CSMD3: variants seen among roughly 807,000 people sequenced by gnomAD.
CSMD3 encodes the protein CUB and Sushi multiple domains 3.
Under a neutral mutation model 435.2 loss-of-function variants are expected in CSMD3, and 177 were observed. The ratio of observed to expected loss-of-function variants is 0.41; its 90% CI spans 0.36 to 0.46. The LOEUF (loss-of-function observed/expected upper bound fraction) is 0.46, where lower values mean the gene tolerates loss of function less well. CSMD3 is among the 20% of genes least tolerant of loss of function. The pLI is 0.34. For synonymous variants in CSMD3, 1,656 were observed against 1,520.5 expected, an observed-to-expected ratio of 1.09 and a Z score of -2.07; for missense variants, 4,265 against 4,504.6, an observed-to-expected ratio of 0.95 and a Z score of 1.52.
At chr8:112,409,551 A>C (rs1218753365) in intron 32 of CSMD3, among the ~76,000 whole-genome samples, 1 of 152,002 alleles carries the variant, frequency 6.6e-6, no homozygotes, top group Non-Finnish European at 1.5e-5. Flanking sequence ...TATAGTGTTT[A>C]ATTTATATTC....
chr8:112,635,700 C>T (rs1389172973), intron 22 of CSMD3, among the ~76,000 whole-genome samples: 1 of 152,036 alleles, frequency 6.6e-6, no homozygotes, highest in African/African-American at 2.4e-5. Flanking sequence ...AGACTTCAGA[C>T]CCACACTAAC....
intron 27 of CSMD3, among the ~76,000 whole-genome samples, chr8:112,526,647 AT>A (rs1229753454): frequency 6.6e-6 from 1 of 151,990 alleles, no homozygotes; most frequent in Non-Finnish European, 1.5e-5. Context: ...CAAAATTTAC[AT>A]TTGTATTTTA....
intron 9 of CSMD3, among the ~76,000 whole-genome samples, chr8:112,929,911 T>G (rs72682135): frequency 0.054 from 8,180 of 152,192 alleles, 238 homozygotes; most frequent in Non-Finnish European, 0.062. Flanking sequence ...TTGAATATAA[T>G]AAAGCTTTCA....
chr8:112,363,836 A>G (rs1168747395), intron 38 of CSMD3, among the ~76,000 whole-genome samples: 1 of 152,052 alleles, frequency 6.6e-6, no homozygotes, highest in Non-Finnish European at 1.5e-5. Context: ...TTCTGAGTTA[A>G]TGGCAATTGA....
At chr8:113,031,781 G>A (rs768629832) in intron 5 of CSMD3, among the ~76,000 whole-genome samples, 1 of 151,450 alleles carries the variant, frequency 6.6e-6, no homozygotes, top group Non-Finnish European at 1.5e-5. Context: ...AATATATGGG[G>A]TTCATATGGT....
At chr8:113,234,783 T>C (rs1438975693) in intron 3 of CSMD3, among the ~76,000 whole-genome samples, 1 of 152,074 alleles carries the variant, frequency 6.6e-6, no homozygotes, top group Non-Finnish European at 1.5e-5. Flanking sequence ...AAATGGTGTA[T>C]CTATGGAATG....
At chr8:112,524,712 CAT>C (rs1246256694) in intron 27 of CSMD3, among the ~76,000 whole-genome samples, 7 of 151,712 alleles carry the variant, frequency 4.6e-5, no homozygotes, top group Non-Finnish European at 8.8e-5. Context: ...TATTGAGTAA[CAT>C]AATTGATATT....
chr8:112,934,007 G>GA (rs1239103906), intron 9 of CSMD3, among the ~76,000 whole-genome samples: 1 of 152,050 alleles, frequency 6.6e-6, no homozygotes, highest in African/African-American at 2.4e-5. Flanking sequence ...CTCTTGAAGG[G>GA]AAAAATTACA....
intron 44 of CSMD3, among the ~76,000 whole-genome samples, chr8:112,336,335 T>C (rs1563805997): frequency 2.0e-5 from 3 of 152,186 alleles, no homozygotes; most frequent in Admixed American, 1.3e-4. Context: ...CTTTTGTAAG[T>C]AGAGAACTTC....
intron 6 of CSMD3, among the ~76,000 whole-genome samples, chr8:113,004,129 T>C (rs1259091541): frequency 7.9e-5 from 12 of 151,978 alleles, no homozygotes; most frequent in Non-Finnish European, 1.5e-5. Context: ...AAGTTAAAAA[T>C]GTAGAACTAT....
intron 13 of CSMD3, among the ~76,000 whole-genome samples, chr8:112,717,910 CA>C (rs1201700062): frequency 3.3e-5 from 5 of 151,880 alleles, no homozygotes; most frequent in African/African-American, 7.3e-5. Context: ...CAGGGCCTGT[CA>C]GGGGGTGGAG....
chr8:113,436,557 C>CTT lies in CSMD3; in HGVS notation c.178+119_178+120insAA, dbSNP rs1554639548. On this transcript the variant is annotated intron_variant, in intron 1 of 70. Coordinates refer to ENST00000297405, the MANE Select transcript of CSMD3 (RefSeq NM_198123.2). ...GGGGAGAACGAGCTGTGAATCAACTCCTTTAGTATTATCAGATTATTTTAT... is the reference window on the plus strand; with the variant it reads ...GGGGAGAACGAGCTGTGAATCAACTCTTCTTTAGTATTATCAGATTATTTTAT... 28 of 944,414 alleles carry CTT rather than the reference C, an allele frequency of 3.0e-5. 1 individual carries two copies. Among genetic ancestry groups the CTT allele is most frequent in the Non-Finnish European group, 4.5e-5 (26 of 575,358 alleles). 58.5% of individuals were successfully genotyped at this position (944,414 alleles called of 1,614,324 possible).
chr8:112,263,713 T>C lies in CSMD3; in HGVS notation c.9788A>G (p.Tyr3263Cys). ...FSISYICSPG[Y>C]ELSFPAVLTC... ...CAAAACAGCAGGGAAGGATAGCTCA[T>C]AGCCTGGAGAACAGATGTAGCTAAT... The change falls in exon 61 of 71, where the codon TAT becomes TGT. Residue 3263 changes from tyrosine to cysteine, a missense_variant. This residue lies in a region of CSMD3 where 3,255 missense variants were observed against 3,380.2 expected (regional missense o/e 0.96). Coordinates refer to ENST00000297405, the MANE Select transcript of CSMD3 (RefSeq NM_198123.2). The C allele has an allele frequency of 4.3e-6, 7 of 1,613,754 alleles. No homozygotes were observed. The highest frequency in any genetic ancestry group is 5.9e-6 in the Non-Finnish European group (7 of 1,179,730).
chr8:112,979,659 A>G (rs2084976314), intron 6 of CSMD3, among the ~76,000 whole-genome samples: 1 of 151,530 alleles, frequency 6.6e-6, no homozygotes, highest in South Asian at 2.1e-4. Context: ...ATGCTACACA[A>G]TTAGGTAAGC....
At chr8:112,536,215 TACC>T (rs1365884214) in intron 27 of CSMD3, among the ~76,000 whole-genome samples, 12 of 150,686 alleles carry the variant, frequency 8.0e-5, no homozygotes, top group African/African-American at 2.4e-4. Flanking sequence ...CAAAAGAAAC[TACC>T]ATCAGAGTGA....
chr8:113,124,023 A>C (rs1444385622), intron 4 of CSMD3, among the ~76,000 whole-genome samples: 1 of 151,980 alleles, frequency 6.6e-6, no homozygotes, highest in Non-Finnish European at 1.5e-5. Context: ...CTCATTATCC[A>C]AGAGAAATAT....
At chr8:113,287,442 C>T (rs974647419) in intron 2 of CSMD3, among the ~76,000 whole-genome samples, 2 of 151,916 alleles carry the variant, frequency 1.3e-5, no homozygotes, top group Non-Finnish European at 2.9e-5. Flanking sequence ...ACATGAAGCA[C>T]AGCACAATAA....
chr8:112,678,287 A>T (rs993779692), intron 16 of CSMD3, among the ~76,000 whole-genome samples: 4 of 152,156 alleles, frequency 2.6e-5, no homozygotes, highest in African/African-American at 9.7e-5. Context: ...ATCTAGATGA[A>T]GTTGAGTTGA....
chr8:113,079,864 T>C (rs146846594), intron 5 of CSMD3, among the ~76,000 whole-genome samples: 8 of 152,312 alleles, frequency 5.3e-5, no homozygotes, highest in African/African-American at 1.7e-4. Context: ...TGCAATAAAA[T>C]ACGCAAAGTC....
Sources: allele counts gnomAD v4.1 joint callset (sites outside exome capture counted in the v4.1 genomes callset), GRCh38; gene constraint gnomAD v4.1.1; regional missense constraint gnomAD v4.1.1; transcripts MANE v1.5; gene names NCBI Gene and HGNC (gene_info 2026-07-23, HGNC 2026-07-21).